PRMT8: variants seen among roughly 807,000 people sequenced by gnomAD.
The protein encoded by PRMT8 is protein arginine N-methyltransferase 8.
A neutral mutation model predicts 47.1 loss-of-function variants in PRMT8; 7 were observed. The ratio of observed to expected loss-of-function variants is 0.15; its 90% CI spans 0.08 to 0.28. PRMT8 has a LOEUF of 0.28. Ranked by LOEUF, PRMT8 falls within the 10% of genes least tolerant of loss-of-function variation. PRMT8 has a pLI of 1.00. For synonymous variants in PRMT8, 188 were observed against 186.5 expected, an observed-to-expected ratio of 1.01 and a Z score of -0.07; for missense variants, 237 against 505.4, an observed-to-expected ratio of 0.47 and a Z score of 5.09.
chr12:3,418,199 G>T (rs958749348), intron 1 of PRMT8, among the ~76,000 whole-genome samples: 4 of 152,232 alleles, frequency 2.6e-5, no homozygotes, highest in Non-Finnish European at 5.9e-5. Flanking sequence ...GGCTGAGGTT[G>T]CCAGGGGAAG....
At chr12:3,536,102 C>G (rs1330693106) in intron 1 of PRMT8, among the ~76,000 whole-genome samples, 1 of 152,112 alleles carries the variant, frequency 6.6e-6, no homozygotes, top group East Asian at 1.9e-4. Flanking sequence ...CATAGAATAC[C>G]CATATGTCTC....
At chr12:3,467,527 G>A (rs1865113650) in intron 1 of PRMT8, among the ~76,000 whole-genome samples, 1 of 152,080 alleles carries the variant, frequency 6.6e-6, no homozygotes, top group Non-Finnish European at 1.5e-5. Flanking sequence ...TCTACCCTTA[G>A]CTGTGGAAAC....
At chr12:3,484,640 A>G (rs1865305462) in intron 1 of PRMT8, among the ~76,000 whole-genome samples, 1 of 152,234 alleles carries the variant, frequency 6.6e-6, no homozygotes, top group East Asian at 1.9e-4. Flanking sequence ...AGCTGTTTGT[A>G]CACAGATGGA....
intron 1 of PRMT8, among the ~76,000 whole-genome samples, chr12:3,511,210 G>C (rs1049435769): frequency 2.0e-5 from 3 of 152,168 alleles, no homozygotes; most frequent in African/African-American, 7.2e-5. Flanking sequence ...TTATCATGCT[G>C]TTGATGGAGC....
At chr12:3,516,768 C>T (rs949242302) in intron 1 of PRMT8, among the ~76,000 whole-genome samples, 10 of 152,094 alleles carry the variant, frequency 6.6e-5, no homozygotes, top group African/African-American at 1.7e-4. Flanking sequence ...CTTCGATAGC[C>T]GATGCTTGTT....
intron 1 of PRMT8, among the ~76,000 whole-genome samples, chr12:3,397,470 C>CTGCTG (rs1565398072): frequency 6.8e-6 from 1 of 147,758 alleles, no homozygotes; most frequent in Non-Finnish European, 1.5e-5. Context: ...GTACTGGGCC[C>CTGCTG]TGTGAGGTGT....
In PRMT8 at chr12:3,568,873, G is replaced by A. The variant is rs141775802; in HGVS notation, c.624+25G>A. 332 of 1,613,174 alleles carry A rather than the reference G, an allele frequency of 2.1e-4. 1 individual carries two copies. The highest frequency in any genetic ancestry group is 8.3e-4 in the Admixed American group (50 of 60,002). ...GGTAAGTGTCCTGCATGCTGTCCCCGCGTTGGCCGGCTGGCTGTCCTGCTC... is the reference window on the plus strand; with the variant it reads ...GGTAAGTGTCCTGCATGCTGTCCCCACGTTGGCCGGCTGGCTGTCCTGCTC... On this transcript the variant is annotated intron_variant, in intron 5 of 9. Coordinates refer to ENST00000382622, the MANE Select transcript of PRMT8 (RefSeq NM_019854.5).
intron 1 of PRMT8, among the ~76,000 whole-genome samples, chr12:3,526,445 T>C (rs1208932980): frequency 6.6e-6 from 1 of 152,210 alleles, no homozygotes; most frequent in Non-Finnish European, 1.5e-5. Context: ...TCATACTGTT[T>C]TCCACAGCAG....
intron 1 of PRMT8, among the ~76,000 whole-genome samples, chr12:3,391,769 C>T (rs771802672): frequency 1.8e-4 from 28 of 152,162 alleles, no homozygotes; most frequent in East Asian, 5.8e-4. Context: ...TGATGGTACA[C>T]GATAGATGTT....
chr12:3,526,087 C>T (rs956448183), intron 1 of PRMT8, among the ~76,000 whole-genome samples: 6 of 152,130 alleles, frequency 3.9e-5, no homozygotes, highest in Admixed American at 2.0e-4. Context: ...ATAATTCTGA[C>T]GATGCTACCT....
At chr12:3,487,465 G>A (rs1466342587), upstream of PRMT8, among the ~76,000 whole-genome samples, 2 of 152,212 alleles carry the variant, frequency 1.3e-5, no homozygotes, top group Non-Finnish European at 1.5e-5. Context: ...ACCTTCTGGG[G>A]TTCCAGCATG....
At chr12:3,433,764 G>A (rs1480017349) in intron 1 of PRMT8, among the ~76,000 whole-genome samples, 3 of 152,068 alleles carry the variant, frequency 2.0e-5, no homozygotes, top group Non-Finnish European at 2.9e-5. Context: ...GGTGCATGCC[G>A]CCATGCCCAG....
chr12:3,586,043 G>C (rs1867164889), intron 8 of PRMT8, among the ~76,000 whole-genome samples: 2 of 152,070 alleles, frequency 1.3e-5, no homozygotes, highest in Admixed American at 6.6e-5. Flanking sequence ...AGGATGCTCT[G>C]GGAAAAGTTC....
At chr12:3,524,588 G>T (rs1479204568) in intron 1 of PRMT8, among the ~76,000 whole-genome samples, 2 of 148,034 alleles carry the variant, frequency 1.4e-5, no homozygotes, top group African/African-American at 5.0e-5. Flanking sequence ...GAGCCCCTGA[G>T]CTAACTAGAA....
At chr12:3,435,300 G>A (rs943382864) in intron 1 of PRMT8, among the ~76,000 whole-genome samples, 15 of 152,152 alleles carry the variant, frequency 9.9e-5, no homozygotes, top group East Asian at 5.8e-4. Context: ...CAGAAAGGGC[G>A]TTGAGCTGGT....
At chr12:3,394,231 G>A (rs1864224405) in intron 1 of PRMT8, among the ~76,000 whole-genome samples, 1 of 151,926 alleles carries the variant, frequency 6.6e-6, no homozygotes, top group Admixed American at 6.6e-5. Flanking sequence ...GCCCTGGCCA[G>A]AACTTCCAAC....
chr12:3,387,966 TTATC>T (rs1372948495), intron 1 of PRMT8, among the ~76,000 whole-genome samples: 3 of 152,148 alleles, frequency 2.0e-5, no homozygotes, highest in African/African-American at 7.2e-5. Flanking sequence ...AATAATTTCA[TTATC>T]TATTACATAA....
Position 3,568,767 on chromosome 12 carries a change from C to T in PRMT8, c.543C>T (p.Ile181=). Residue 181 remains isoleucine (I), a synonymous_variant, in exon 5 of 10, where the codon ATC becomes ATT. Coordinates refer to ENST00000382622, the MANE Select transcript of PRMT8 (RefSeq NM_019854.5). The part of the protein sequence containing the change: ...EVELPVEKVD[I]IISEWMGYCL... ...AGCTGCCTGTGGAGAAGGTGGACATCATCATCAGCGAGTGGATGGGCTACT... is the reference window on the plus strand; with the variant it reads ...AGCTGCCTGTGGAGAAGGTGGACATTATCATCAGCGAGTGGATGGGCTACT... 6.2e-7 allele frequency: 1 copy of T among 1,614,146 alleles called. No individual in the cohort carries two copies. The highest frequency in any genetic ancestry group is 1.3e-5 in the African/African-American group (1 of 75,032).
chr12:3,519,210 G>GA (rs1220809720), intron 1 of PRMT8, among the ~76,000 whole-genome samples: 1 of 151,932 alleles, frequency 6.6e-6, no homozygotes, highest in Non-Finnish European at 1.5e-5. Flanking sequence ...AAGTGTAAGG[G>GA]AAAAAGGAAA....
Sources: allele counts gnomAD v4.1 joint callset (sites outside exome capture counted in the v4.1 genomes callset), GRCh38; gene constraint gnomAD v4.1.1; transcripts MANE v1.5; gene names NCBI Gene and HGNC (gene_info 2026-07-23, HGNC 2026-07-21).